ATP13A3: variants seen among roughly 807,000 people sequenced by gnomAD.
The protein encoded by ATP13A3 is ATPase 13A3.
ATP13A3 carries 59 observed loss-of-function variants against 158.1 expected under a neutral mutation model. The observed-to-expected ratio is 0.37, with a 90% CI of 0.30 to 0.46. ATP13A3 has a LOEUF of 0.46. Ranked by LOEUF, ATP13A3 falls within the 20% of genes least tolerant of loss-of-function variation. ATP13A3 has a pLI of 1.00. For missense variants in ATP13A3, 1,166 were observed against 1,525.2 expected (o/e 0.76, Z 3.92); for synonymous variants, 491 against 504.3 (o/e 0.97, Z 0.35).
chr3:194,421,477 C>T (rs578117196), intron 30 of ATP13A3, among the ~76,000 whole-genome samples: 23 of 143,446 alleles, frequency 1.6e-4, no homozygotes, highest in African/African-American at 5.5e-4. Flanking sequence ...AGTGTGAACA[C>T]GGGAGGCGGA....
At chr3:194,437,672 G>A in intron 17 of ATP13A3, 99 bp from the exon 18 acceptor site, 1 of 1,235,588 alleles carries the variant, frequency 8.1e-7, no homozygotes, top group Non-Finnish European at 1.1e-6. Flanking sequence ...ACATTATTTG[G>A]AAAAGAAACA....
chr3:194,475,030 G>A (rs1209754993), intron 2 of ATP13A3, among the ~76,000 whole-genome samples: 1 of 152,146 alleles, frequency 6.6e-6, no homozygotes, highest in African/African-American at 2.4e-5. Context: ...CTGAAATAGC[G>A]CAGCACGGTG....
intron 10 of ATP13A3, chr3:194,451,254 G>A (rs1180141904): frequency 6.6e-6 from 1 of 152,028 alleles, no homozygotes. Context: ...ATCGATCTTC[G>A]TTTTAAAAAT....
At chr3:194,435,907 A>C (rs1290361510) in intron 20 of ATP13A3, among the ~76,000 whole-genome samples, 1 of 152,190 alleles carries the variant, frequency 6.6e-6, no homozygotes, top group Non-Finnish European at 1.5e-5. Flanking sequence ...ACTCCGTCTC[A>C]AAAGAAAAAA....
intron 2 of ATP13A3, 149 bp downstream of exon 2, chr3:194,485,645 T>C (rs1165057572): frequency 2.0e-5 from 3 of 152,258 alleles, no homozygotes; most frequent in African/African-American, 4.8e-5. Context: ...AGGTATGTTC[T>C]ACTCATTTAG....
intron 13 of ATP13A3, among the ~76,000 whole-genome samples, chr3:194,447,581 T>G (rs938048272): frequency 7.3e-6 from 1 of 137,082 alleles, no homozygotes; most frequent in Non-Finnish European, 1.5e-5. Flanking sequence ...TTTTTTCCTG[T>G]TTTTTTTTTT....
intron 6 of ATP13A3, among the ~76,000 whole-genome samples, chr3:194,457,456 C>A (rs1289726654): frequency 6.6e-6 from 1 of 152,104 alleles, no homozygotes; most frequent in African/African-American, 2.4e-5. Context: ...ATAATAATAT[C>A]ATTATCCTTA....
chr3:194,471,511 G>C (rs148867701), intron 2 of ATP13A3, among the ~76,000 whole-genome samples: 1 of 151,902 alleles, frequency 6.6e-6, no homozygotes, highest in Non-Finnish European at 1.5e-5. Context: ...GTACCATCAC[G>C]CCCAGCAAAT....
intron 33 of ATP13A3, among the ~76,000 whole-genome samples, chr3:194,410,697 C>A (rs114689456): frequency 0.037 from 5,604 of 152,110 alleles, 350 homozygotes; most frequent in African/African-American, 0.12. Flanking sequence ...TTTTAAGGGG[C>A]CTTATAATGC....
chr3:194,432,996 ATT>A (rs1379908343), intron 21 of ATP13A3, among the ~76,000 whole-genome samples: 2 of 152,088 alleles, frequency 1.3e-5, no homozygotes, highest in Non-Finnish European at 2.9e-5. Flanking sequence ...ACATATAAAC[ATT>A]TCATGCTATC....
rs185759185 is a variant in ATP13A3, at chr3:194,479,925, T to A, written c.-47+5869A>T. On this transcript the variant is annotated intron_variant, in intron 2 of 33. Coordinates refer to ENST00000645319, the MANE Select transcript of ATP13A3 (RefSeq NM_001367549.1). The stretch of plus-strand genomic sequence containing the variant: ...ACATAAAATGTATATCGGAGATACA[T>A]GAGGTTAACATCTTGAGCTTTTGAG... Among the ~76,000 whole-genome samples the A allele has an allele frequency of 2.6e-4, 39 of 152,214 alleles. No individual in the cohort carries two copies. In the East Asian group the frequency reaches 7.1e-3, roughly 28 times the overall value.
chr3:194,428,610 A>C (rs972537261), intron 28 of ATP13A3, among the ~76,000 whole-genome samples: 14 of 152,246 alleles, frequency 9.2e-5, no homozygotes, highest in Non-Finnish European at 2.9e-5. Flanking sequence ...TGTCAGAGGC[A>C]AAAGAGCATA....
chr3:194,411,352 A>C (rs1232724816), intron 33 of ATP13A3, among the ~76,000 whole-genome samples: 1 of 152,192 alleles, frequency 6.6e-6, no homozygotes, highest in Non-Finnish European at 1.5e-5. Flanking sequence ...CCTATCTGTA[A>C]AGCACATCAC....
In ATP13A3 at chr3:194,431,133, G is replaced by A; in HGVS notation, c.2515C>T (p.Leu839=). Residue 839 remains leucine (L), a synonymous_variant, in exon 23 of 34, where the codon CTG becomes TTG. Transcript: ENST00000645319. ...GGAACAAGGTCTTGAAAATGCTCCA[G>A]TATCACTGAGAATGATTTTCCATTC... The part of the protein sequence containing the change: ...AMNGKSFSVI[L]EHFQDLVPKL... 1 of 1,613,922 alleles carries A rather than the reference G, an allele frequency of 6.2e-7. No individual in the cohort carries two copies. The highest frequency in any genetic ancestry group is 8.5e-7 in the Non-Finnish European group (1 of 1,179,874).
In ATP13A3 at chr3:194,406,076, G is replaced by A. The variant is rs745679841; in HGVS notation, c.3614C>T (p.Ala1205Val). 6.2e-7 allele frequency: 1 copy of A among 1,614,014 alleles called. No homozygotes were observed. The highest frequency in any genetic ancestry group is 8.5e-7 in the Non-Finnish European group (1 of 1,180,026). Residue 1205 changes from alanine to valine, a missense_variant, in exon 34 of 34, where the codon GCC (alanine) becomes GTC (valine). Transcript: ENST00000645319. ...DRWGKCCLPW[A>V]LGCRKKTPKA... is the part of the protein sequence containing the mutation. ...TGGTGTCTTCTTTCTACAGCCCAGG[G>A]CCCAGGGTAAGCAGCATTTTCCCCA...
At chr3:194,458,682 C>T (rs1002063201) in intron 6 of ATP13A3, among the ~76,000 whole-genome samples, 6 of 152,112 alleles carry the variant, frequency 3.9e-5, no homozygotes, top group Non-Finnish European at 1.5e-5. Flanking sequence ...GACACCATGC[C>T]CGGCCTGATT....
intron 30 of ATP13A3, among the ~76,000 whole-genome samples, chr3:194,424,014 T>G (rs1377699858): frequency 6.6e-6 from 1 of 151,974 alleles, no homozygotes; most frequent in Non-Finnish European, 1.5e-5. Context: ...TCCTTGAAAT[T>G]TAAAAATGTT....
In ATP13A3 at chr3:194,431,934, A is replaced by C. The variant is rs532027394; in HGVS notation, c.2246-42T>G. Reference sequence around the variant, plus strand: ...TTTAAATGTATTGAAATTAAAATGGAAACGTGAACGTATCAAACATGTACT... The same window carrying C: ...TTTAAATGTATTGAAATTAAAATGGCAACGTGAACGTATCAAACATGTACT... On this transcript the variant is annotated intron_variant, in intron 21 of 33. Coordinates refer to ENST00000645319, the MANE Select transcript of ATP13A3 (RefSeq NM_001367549.1). 1.9e-5 allele frequency: 28 copies of C among 1,458,476 alleles called. No homozygotes were observed. In the African/African-American group the frequency reaches 3.8e-4, roughly 20 times the overall value. The allele number at this position is 1,458,476 out of a possible 1,614,324, so 90.3% of individuals were successfully genotyped here.
At chr3:194,430,537 A>G (rs1344978662) in intron 24 of ATP13A3, among the ~76,000 whole-genome samples, 1 of 152,158 alleles carries the variant, frequency 6.6e-6, no homozygotes, top group African/African-American at 2.4e-5. Context: ...TTTCTGTCAC[A>G]TTATCGGCAA....
Sources: gnomAD v4.1 joint callset for allele counts (sites outside exome capture counted in the v4.1 genomes callset) on GRCh38, gnomAD v4.1.1 for gene constraint, MANE v1.5 for transcripts, NCBI Gene and HGNC (gene_info 2026-07-23, HGNC 2026-07-21) for gene names.